The following MAP4K3 variants were observed in gnomAD, a reference collection of about 807,000 sequenced individuals.
MAP4K3 encodes mitogen-activated protein kinase kinase kinase kinase 3, also known as MAPK/ERK kinase kinase kinase 3.
In MAP4K3, 94 loss-of-function variants were observed where a neutral mutation model predicts 143.5. The observed-to-expected ratio is 0.65, with a 90% CI of 0.55 to 0.78. MAP4K3 has a LOEUF of 0.78. MAP4K3 is among the 30% of genes least tolerant of loss of function. The pLI is 0.00. For missense variants in MAP4K3, 1,077 were observed against 1,068.1 expected (o/e 1.01, Z -0.12); for synonymous variants, 416 against 347.2 (o/e 1.20, Z -2.20).
intron 2 of MAP4K3, among the ~76,000 whole-genome samples, chr2:39,367,677 G>A (rs1306139111): frequency 6.6e-6 from 1 of 152,160 alleles, no homozygotes; most frequent in Non-Finnish European, 1.5e-5. Context: ...GGACTGAGGT[G>A]AGAGTTTGAT....
chr2:39,284,705 G>A (rs57554944), intron 21 of MAP4K3, among the ~76,000 whole-genome samples: 4 of 151,460 alleles, frequency 2.6e-5, no homozygotes, highest in African/African-American at 7.3e-5. Flanking sequence ...GTAGCCAGGC[G>A]TGGTGGCGTG....
intron 8 of MAP4K3, among the ~76,000 whole-genome samples, chr2:39,329,657 C>A (rs975739181): frequency 1.3e-5 from 2 of 152,134 alleles, no homozygotes; most frequent in African/African-American, 4.8e-5. Context: ...CCAATTCCCA[C>A]TGGATAAGGA....
chr2:39,270,717 T>C (rs143036775), intron 26 of MAP4K3, among the ~76,000 whole-genome samples: 2 of 152,202 alleles, frequency 1.3e-5, no homozygotes, highest in Admixed American at 6.5e-5. Context: ...AATGAGTACC[T>C]ATCTTCAGAA....
intron 1 of MAP4K3, among the ~76,000 whole-genome samples, chr2:39,399,277 A>G (rs1403742347): frequency 6.6e-6 from 1 of 152,228 alleles, no homozygotes; most frequent in Non-Finnish European, 1.5e-5. Context: ...ACCACTTGTG[A>G]CAGGCAGTGA....
chr2:39,355,359 CAA>C (rs34355105), intron 3 of MAP4K3, among the ~76,000 whole-genome samples: 36 of 34,534 alleles, frequency 1.0e-3, no homozygotes, highest in Non-Finnish European at 1.5e-3. Context: ...GACTCCACCT[CAA>C]AAAAAAAAAA....
chr2:39,311,028 G>A (rs1362245390), intron 13 of MAP4K3, among the ~76,000 whole-genome samples: 3 of 152,158 alleles, frequency 2.0e-5, no homozygotes, highest in African/African-American at 4.8e-5. Flanking sequence ...GTACAATCAA[G>A]TTCTAACTTG....
chr2:39,356,237 C>T lies in MAP4K3; in HGVS notation c.245+12G>A, dbSNP rs1451275719. 5 of 1,503,928 alleles carry T rather than the reference C, an allele frequency of 3.3e-6. No individual in the cohort carries two copies. The highest frequency in any genetic ancestry group is 4.5e-6 in the Non-Finnish European group (5 of 1,101,834). 93.2% of individuals were successfully genotyped at this position (1,503,928 alleles called of 1,614,324 possible). A position where few individuals can be genotyped will look rare whatever the true frequency, so the allele number is the denominator to read the frequency against. On this transcript the variant is annotated intron_variant, in intron 3 of 33. Coordinates refer to ENST00000263881, the MANE Select transcript of MAP4K3 (RefSeq NM_003618.4). ...TCATTATTGCTTTTCAAAAGGGAAA[C>T]AAACAGTATACCTGAGATAGCTTCC...
At chr2:39,413,358 C>G (rs1021085526) in intron 1 of MAP4K3, among the ~76,000 whole-genome samples, 3 of 152,126 alleles carry the variant, frequency 2.0e-5, no homozygotes, top group African/African-American at 7.2e-5. Context: ...AACCACCATT[C>G]CCCTTAATGT....
At chr2:39,379,639 C>T (rs761543212) in intron 1 of MAP4K3, 3 of 160,222 alleles carry the variant, frequency 1.9e-5, no homozygotes, top group Non-Finnish European at 2.9e-5. Context: ...ATCACAACTA[C>T]TTGCCTCTCC....
At chr2:39,343,196 A>G (rs1665189182) in intron 4 of MAP4K3, among the ~76,000 whole-genome samples, 192 bp downstream of exon 4, 2 of 152,206 alleles carry the variant, frequency 1.3e-5, no homozygotes, top group Non-Finnish European at 2.9e-5. Context: ...AAATGCATTT[A>G]ATTTTCCAAA....
rs920828198 is a variant in MAP4K3 at position 39,356,442 on chromosome 2, A to G, written c.155-103T>C. 4.6e-6 allele frequency: 3 copies of G among 658,334 alleles called. No homozygotes were observed. In the African/African-American group the frequency reaches 5.6e-5, roughly 12 times the overall value. The allele number at this position is 658,334 out of a possible 1,614,324, so 40.8% of individuals were successfully genotyped here. ...AATTATACGTATTAATAAGTATAAC[A>G]TAATTAATGAGTTATAAATAAAACA... On this transcript the variant is annotated intron_variant, in intron 2 of 33. Transcript: ENST00000263881.
At chr2:39,339,618 C>G (rs1004578780) in intron 4 of MAP4K3, among the ~76,000 whole-genome samples, 20 of 152,106 alleles carry the variant, frequency 1.3e-4, no homozygotes, top group African/African-American at 4.1e-4. Flanking sequence ...CCACATAAAA[C>G]CAGAAGTCTC....
chr2:39,302,147 T>C (rs1558633605), intron 15 of MAP4K3, among the ~76,000 whole-genome samples: 1 of 152,136 alleles, frequency 6.6e-6, no homozygotes, highest in Non-Finnish European at 1.5e-5. Context: ...AAATTGAGCA[T>C]AGGCTCATAT....
chr2:39,361,552 A>G (rs1665771352), intron 2 of MAP4K3, among the ~76,000 whole-genome samples: 1 of 151,960 alleles, frequency 6.6e-6, no homozygotes, highest in Non-Finnish European at 1.5e-5. Context: ...GGCAGAAACA[A>G]TTTTTTAAAA....
At chr2:39,427,215 A>T (rs1665116357) in intron 1 of MAP4K3, among the ~76,000 whole-genome samples, 1 of 152,064 alleles carries the variant, frequency 6.6e-6, no homozygotes, top group Non-Finnish European at 1.5e-5. Flanking sequence ...AGAGTTCTAT[A>T]CCCCACTAAA....
intron 6 of MAP4K3, 137 bp from the exon 7 acceptor site, chr2:39,333,711 G>A (rs558368219): frequency 2.2e-5 from 11 of 491,236 alleles, no homozygotes; most frequent in African/African-American, 4.0e-5. Context: ...TTAAAATGTC[G>A]TATCATTAGA....
rs546761494 is a variant in MAP4K3, at chr2:39,396,138, A to T, written c.97-18015T>A. Among the ~76,000 whole-genome samples the T allele has an allele frequency of 2.0e-5, 3 of 152,220 alleles. No homozygotes were observed. The South Asian group carries it at 6.2e-4, about 32-fold the overall frequency. On this transcript the variant is annotated intron_variant, in intron 1 of 33. Transcript: ENST00000263881. Reference sequence around the variant, plus strand: ...TGCAGCCTCTTAACTCCTGGGCTCAAACAATCTTCCTGCCTCGGACTCCGG... The same window carrying T: ...TGCAGCCTCTTAACTCCTGGGCTCATACAATCTTCCTGCCTCGGACTCCGG...
chr2:39,355,285 C>T (rs150314754), intron 3 of MAP4K3, among the ~76,000 whole-genome samples: 30 of 136,500 alleles, frequency 2.2e-4, no homozygotes, highest in South Asian at 4.9e-4. Context: ...CACTTGAACC[C>T]GGGAGGTGGA....
At chr2:39,378,931 T>C (rs1178196904) in intron 1 of MAP4K3, among the ~76,000 whole-genome samples, 2 of 151,768 alleles carry the variant, frequency 1.3e-5, no homozygotes, top group African/African-American at 4.8e-5. Context: ...AGAAACTATA[T>C]TAAAATGGCA....
Sources: gnomAD v4.1 joint callset for allele counts (sites outside exome capture counted in the v4.1 genomes callset) on GRCh38, gnomAD v4.1.1 for gene constraint, MANE v1.5 for transcripts, NCBI Gene and HGNC (gene_info 2026-07-23, HGNC 2026-07-21) for gene names.